Variants in NEGR1 observed in about 807,000 individuals in gnomAD.
NEGR1 encodes neuronal growth regulator 1, also known as IgLON family member 4.
NEGR1 carries 10 observed loss-of-function variants against 40.9 expected under a neutral mutation model. The observed-to-expected ratio is 0.24, with a 90% CI of 0.15 to 0.42. The LOEUF (loss-of-function observed/expected upper bound fraction) is 0.42, where lower values mean the gene tolerates loss of function less well. Ranked by LOEUF, NEGR1 falls within the 10% of genes least tolerant of loss-of-function variation. The pLI is 1.00. For missense variants in NEGR1, 352 were observed against 438.9 expected (o/e 0.80, Z 1.77); for synonymous variants, 185 against 166.8 (o/e 1.11, Z -0.84).
chr1:71,622,348 A>C (rs1650637052), intron 4 of NEGR1, among the ~76,000 whole-genome samples: 1 of 151,970 alleles, frequency 6.6e-6, no homozygotes, highest in Non-Finnish European at 1.5e-5. Flanking sequence ...ATCAGCAAGT[A>C]CAATCTTGTA....
At chr1:71,511,607 T>G (rs1647073697) in intron 6 of NEGR1, among the ~76,000 whole-genome samples, 1 of 152,246 alleles carries the variant, frequency 6.6e-6, no homozygotes, top group South Asian at 2.1e-4. Flanking sequence ...TTATTTTTAC[T>G]TATTGATTCT....
intron 1 of NEGR1, among the ~76,000 whole-genome samples, chr1:72,161,259 C>T (rs1489306065): frequency 1.3e-5 from 2 of 152,082 alleles, no homozygotes; most frequent in Non-Finnish European, 2.9e-5. Context: ...TGGACAGGTG[C>T]GAGATGAACC....
intron 3 of NEGR1, among the ~76,000 whole-genome samples, chr1:71,704,613 T>A (rs1342638500): frequency 6.6e-6 from 1 of 151,738 alleles, no homozygotes; most frequent in Non-Finnish European, 1.5e-5. Flanking sequence ...AATCTGAATA[T>A]TTAGTATATG....
chr1:72,058,925 C>A (rs563734795), intron 1 of NEGR1, among the ~76,000 whole-genome samples: 1 of 151,720 alleles, frequency 6.6e-6, no homozygotes, highest in South Asian at 2.1e-4. Flanking sequence ...AATGGAACAT[C>A]TCATTTCCTC....
intron 6 of NEGR1, among the ~76,000 whole-genome samples, chr1:71,511,307 T>C (rs896826701): frequency 6.6e-6 from 1 of 152,256 alleles, no homozygotes; most frequent in Non-Finnish European, 1.5e-5. Flanking sequence ...TCAGTATCTC[T>C]AATATTAGTT....
chr1:71,868,165 G>A (rs1485995617), intron 2 of NEGR1, among the ~76,000 whole-genome samples: 1 of 152,008 alleles, frequency 6.6e-6, no homozygotes, highest in Admixed American at 6.6e-5. Context: ...TCTCTCCAGC[G>A]TGTTTTTTAA....
intron 3 of NEGR1, among the ~76,000 whole-genome samples, chr1:71,735,841 A>T (rs2101669947): frequency 6.6e-6 from 1 of 152,216 alleles, no homozygotes; most frequent in South Asian, 2.1e-4. Context: ...GAATAATATC[A>T]GGTGCTTAAA....
At chr1:72,194,040 A>C (rs1652914975) in intron 1 of NEGR1, among the ~76,000 whole-genome samples, 1 of 151,894 alleles carries the variant, frequency 6.6e-6, no homozygotes, top group African/African-American at 2.4e-5. Context: ...AAAAATACTG[A>C]AGGTAAATTT....
chr1:71,441,842 A>G (rs1333449263), intron 6 of NEGR1, among the ~76,000 whole-genome samples: 2 of 152,324 alleles, frequency 1.3e-5, no homozygotes, highest in Middle Eastern at 3.4e-3. Flanking sequence ...AGATAGTCCA[A>G]TTAGGAGAGG....
chr1:72,257,111 A>G (rs1421386614), intron 1 of NEGR1, among the ~76,000 whole-genome samples: 2 of 152,012 alleles, frequency 1.3e-5, no homozygotes, highest in Admixed American at 6.6e-5. Context: ...TCACGAGGTC[A>G]GGAGATTGAG....
chr1:72,135,893 T>G (rs1650444695), intron 1 of NEGR1, among the ~76,000 whole-genome samples: 1 of 152,222 alleles, frequency 6.6e-6, no homozygotes, highest in African/African-American at 2.4e-5. Context: ...ACAAGGCACC[T>G]ACACATATAA....
At chr1:71,764,022 C>T (rs1191086891) in intron 3 of NEGR1, among the ~76,000 whole-genome samples, 6 of 152,126 alleles carry the variant, frequency 3.9e-5, no homozygotes, top group African/African-American at 1.2e-4. Context: ...GACAAAAGGA[C>T]TCCCCTGGCC....
intron 6 of NEGR1, among the ~76,000 whole-genome samples, chr1:71,424,316 T>C (rs1050704867): frequency 1.3e-5 from 2 of 152,234 alleles, no homozygotes; most frequent in African/African-American, 4.8e-5. Flanking sequence ...AAATTATCTT[T>C]ATTATTCATT....
chr1:72,053,355 G>A (rs570701961), intron 1 of NEGR1, among the ~76,000 whole-genome samples: 48 of 118,308 alleles, frequency 4.1e-4, no homozygotes, highest in African/African-American at 1.3e-3. Flanking sequence ...TAATAATTTA[G>A]GATTTTTTTT....
At chr1:71,997,729 T>C (rs146872867) in intron 1 of NEGR1, among the ~76,000 whole-genome samples, 21 of 152,132 alleles carry the variant, frequency 1.4e-4, no homozygotes, top group Non-Finnish European at 3.1e-4. Flanking sequence ...CATATTTTAA[T>C]AACCTGTTTA....
At chr1:71,835,784 A>G (rs1659005331) in intron 2 of NEGR1, among the ~76,000 whole-genome samples, 1 of 152,100 alleles carries the variant, frequency 6.6e-6, no homozygotes, top group Non-Finnish European at 1.5e-5. Flanking sequence ...TCAATTTGGA[A>G]CTATGTGACT....
At chr1:72,281,179 A>T (rs546068024) in intron 1 of NEGR1, among the ~76,000 whole-genome samples, 3 of 152,234 alleles carry the variant, frequency 2.0e-5, no homozygotes, top group Non-Finnish European at 4.4e-5. Context: ...AAAAGTGAAG[A>T]CTGATGGAGG....
chr1:71,559,351 A>G (rs1648364818), intron 6 of NEGR1, among the ~76,000 whole-genome samples: 1 of 151,528 alleles, frequency 6.6e-6, no homozygotes, highest in African/African-American at 2.4e-5. Context: ...TCAAAAGATA[A>G]TTTCACAAAG....
At chr1:72,044,633 C>G (rs1646985375) in intron 1 of NEGR1, among the ~76,000 whole-genome samples, 1 of 151,730 alleles carries the variant, frequency 6.6e-6, no homozygotes. Flanking sequence ...ATCATAAAAT[C>G]ATACTTTCAT....
Sources: gnomAD v4.1 joint callset for allele counts (sites outside exome capture counted in the v4.1 genomes callset) on GRCh38, gnomAD v4.1.1 for gene constraint, MANE v1.5 for transcripts, NCBI Gene and HGNC (gene_info 2026-07-23, HGNC 2026-07-21) for gene names.